The following DLC1 variants were observed in gnomAD, a reference collection of about 807,000 sequenced individuals.
DLC1 encodes rho GTPase-activating protein 7.
DLC1 carries 54 observed loss-of-function variants against 140.3 expected under a neutral mutation model. The ratio of observed to expected loss-of-function variants is 0.38; its 90% CI spans 0.31 to 0.48. The LOEUF is 0.48. Among genes scored for constraint, DLC1 ranks in the 20% least tolerant of loss-of-function variants. The pLI, the probability that DLC1 is intolerant of heterozygous loss-of-function variation, is 0.96. For synonymous variants in DLC1, 986 were observed against 728.1 expected, an observed-to-expected ratio of 1.35 and a Z score of -5.70; for missense variants, 2,536 against 1,907.0, an observed-to-expected ratio of 1.33 and a Z score of -6.14.
intron 5 of DLC1, chr8:13,214,379 G>A: frequency 2.6e-6 from 1 of 386,422 alleles, no homozygotes; most frequent in Non-Finnish European, 4.6e-6. Context: ...GGACCCTGTT[G>A]ACAGGCTTTG....
intron 5 of DLC1, among the ~76,000 whole-genome samples, chr8:13,149,533 C>T (rs938057926): frequency 1.3e-5 from 2 of 152,206 alleles, no homozygotes; most frequent in Non-Finnish European, 1.5e-5. Context: ...GTCTATTCCT[C>T]ATCTCAGTCT....
At chr8:13,235,003 T>G (rs1003324028) in intron 5 of DLC1, among the ~76,000 whole-genome samples, 45 of 152,126 alleles carry the variant, frequency 3.0e-4, no homozygotes, top group African/African-American at 1.0e-3. Flanking sequence ...TAGCTCTGTC[T>G]GTTAAATTTG....
chr8:13,140,023 C>A (rs1822857554), intron 5 of DLC1, among the ~76,000 whole-genome samples: 1 of 152,140 alleles, frequency 6.6e-6, no homozygotes, highest in African/African-American at 2.4e-5. Context: ...TTTTCATCAT[C>A]CCCACCTGAA....
chr8:13,588,943 A>T (rs369895662), intron 1 of DLC1, among the ~76,000 whole-genome samples: 14 of 152,210 alleles, frequency 9.2e-5, no homozygotes, highest in African/African-American at 3.4e-4. Context: ...AAGGCAGTCA[A>T]ATGGGTGACA....
rs549413735 is a variant in DLC1 at position 13,239,290 on chromosome 8, C to T, written c.1348+65979G>A. Among the ~76,000 whole-genome samples the T allele has an allele frequency of 1.1e-4, 17 of 152,018 alleles. No individual in the cohort carries two copies. The East Asian group carries it at 1.9e-3, about 17-fold the overall frequency. On this transcript the variant is annotated intron_variant, in intron 5 of 17. Coordinates refer to ENST00000276297, the MANE Select transcript of DLC1 (RefSeq NM_182643.3). ...ATAGTATTAAATCCTCAGGGAAGAG[C>T]GGGGCAAATAATCCAGTACTGGGAT...
intron 1 of DLC1, among the ~76,000 whole-genome samples, chr8:13,531,762 G>A (rs538985610): frequency 3.0e-4 from 45 of 152,238 alleles, no homozygotes; most frequent in South Asian, 6.2e-4. Flanking sequence ...AAATATCAGT[G>A]CTATGTTTGA....
intron 4 of DLC1, among the ~76,000 whole-genome samples, chr8:13,325,347 C>T (rs559472037): frequency 1.5e-4 from 23 of 152,062 alleles, no homozygotes; most frequent in South Asian, 1.0e-3. Flanking sequence ...TAATGTGATA[C>T]GTACAAGAAA....
chr8:13,431,461 C>G (rs911241903), intron 2 of DLC1, among the ~76,000 whole-genome samples: 2 of 114,672 alleles, frequency 1.7e-5, no homozygotes, highest in Non-Finnish European at 3.3e-5. Flanking sequence ...CCAGCCTGGG[C>G]CACAGAGCGA....
intron 2 of DLC1, among the ~76,000 whole-genome samples, chr8:13,441,506 C>T (rs1194433284): frequency 6.6e-6 from 1 of 152,190 alleles, no homozygotes; most frequent in Non-Finnish European, 1.5e-5. Context: ...GCAACTTCAG[C>T]AAAGTCTCAG....
At chr8:13,168,186 G>A (rs922217763) in intron 5 of DLC1, among the ~76,000 whole-genome samples, 4 of 152,054 alleles carry the variant, frequency 2.6e-5, no homozygotes, top group Non-Finnish European at 5.9e-5. Context: ...TATCTCTAAG[G>A]CTTTGACTGA....
At chr8:13,513,633 T>C (rs182809104) in intron 1 of DLC1, among the ~76,000 whole-genome samples, 1 of 152,328 alleles carries the variant, frequency 6.6e-6, no homozygotes, top group Admixed American at 6.5e-5. Context: ...TGAATTTTAT[T>C]ATAAATATTC....
chr8:13,200,630 A>T (rs1827327895), intron 5 of DLC1, among the ~76,000 whole-genome samples: 1 of 152,012 alleles, frequency 6.6e-6, no homozygotes, highest in Admixed American at 6.6e-5. Context: ...AGAGAGGCAG[A>T]GTCTCACTCT....
intron 4 of DLC1, among the ~76,000 whole-genome samples, chr8:13,386,661 T>C (rs1836531273): frequency 6.6e-6 from 1 of 152,066 alleles, no homozygotes; most frequent in African/African-American, 2.4e-5. Context: ...TTTTTCAAAG[T>C]CCAAAATTAA....
Position 13,100,016 on chromosome 8 carries a change from A to C in DLC1, c.2321T>G (p.Met774Arg). Residue 774 changes from methionine (M) to arginine (R), a missense_variant, in exon 9 of 18, where the codon ATG becomes AGG. Physicochemically the swap from Met to Arg is moderately conservative, Grantham distance 91. Coordinates refer to ENST00000276297, the MANE Select transcript of DLC1 (RefSeq NM_182643.3). ...SLSACNKRVG[M>R]YLEGFDPFNQ... is the part of the protein sequence containing the mutation. ...GAAAGGATCGAAGCCCTCTAAGTAC[A>C]TGCCCACCCGCTTGTTGCACGCACT... is the stretch of plus-strand genomic sequence containing the variant. The C allele has an allele frequency of 1.9e-6, 3 of 1,612,850 alleles. No homozygotes were observed. The highest frequency in any genetic ancestry group is 1.7e-6 in the Non-Finnish European group (2 of 1,180,036).
At chr8:13,533,589 G>C (rs1248608696) in intron 1 of DLC1, among the ~76,000 whole-genome samples, 1 of 152,184 alleles carries the variant, frequency 6.6e-6, no homozygotes, top group Non-Finnish European at 1.5e-5. Context: ...TTGAGTTTCT[G>C]AGTCCTTGGG....
rs564773908 is a variant in DLC1, at chr8:13,147,136, C to A, written c.1349-31479G>T. On this transcript the variant is annotated intron_variant, in intron 5 of 17. Coordinates refer to ENST00000276297, the MANE Select transcript of DLC1 (RefSeq NM_182643.3). ...AAAATATTCTTTGTCCTTGCTAGGCCATTATAGAACTGAATCTATCAGCTG... is the reference window on the plus strand; with the variant it reads ...AAAATATTCTTTGTCCTTGCTAGGCAATTATAGAACTGAATCTATCAGCTG... 3.3e-5 allele frequency among the ~76,000 whole-genome samples: 5 copies of A among 152,274 alleles called. No individual in the cohort carries two copies. The East Asian group carries it at 9.6e-4, about 29-fold the overall frequency.
intron 5 of DLC1, among the ~76,000 whole-genome samples, chr8:13,165,652 C>T (rs1440669329): frequency 2.0e-5 from 3 of 152,208 alleles, no homozygotes; most frequent in Admixed American, 6.5e-5. Flanking sequence ...CCTTCAACTA[C>T]GTTTTCCTGA....
chr8:13,146,500 A>C (rs1823450433), intron 5 of DLC1, among the ~76,000 whole-genome samples: 1 of 151,696 alleles, frequency 6.6e-6, no homozygotes, highest in Non-Finnish European at 1.5e-5. Flanking sequence ...AATTGGCCCT[A>C]TTTTCTTCTT....
intron 1 of DLC1, chr8:13,567,876 A>G: frequency 6.4e-7 from 1 of 1,551,950 alleles, no homozygotes; most frequent in Non-Finnish European, 8.7e-7. Context: ...CTTGTCATTT[A>G]CCATTTTCTC....
Sources: gnomAD v4.1 joint callset for allele counts (sites outside exome capture counted in the v4.1 genomes callset) on GRCh38, gnomAD v4.1.1 for gene constraint, MANE v1.5 for transcripts, NCBI Gene and HGNC (gene_info 2026-07-23, HGNC 2026-07-21) for gene names.